The following MGAT4C variants were observed in gnomAD, a reference collection of about 807,000 sequenced individuals.
The protein encoded by MGAT4C is alpha-1,3-mannosyl-glycoprotein 4-beta-N-acetylglucosaminyltransferase C.
A neutral mutation model predicts 40.1 loss-of-function variants in MGAT4C; 19 were observed. The ratio of observed to expected loss-of-function variants is 0.47; its 90% CI spans 0.33 to 0.70. MGAT4C has a LOEUF of 0.70. MGAT4C is among the 30% of genes least tolerant of loss of function. The pLI is 0.02. For synonymous variants in MGAT4C, 181 were observed against 187.1 expected, an observed-to-expected ratio of 0.97 and a Z score of 0.27; for missense variants, 491 against 563.2, an observed-to-expected ratio of 0.87 and a Z score of 1.30.
intron 2 of MGAT4C, among the ~76,000 whole-genome samples, chr12:86,674,444 C>T (rs1403932449): frequency 6.6e-6 from 1 of 152,010 alleles, no homozygotes; most frequent in African/African-American, 2.4e-5. Flanking sequence ...GCCTGTAATC[C>T]CAGCACTTTG....
intron 3 of MGAT4C, among the ~76,000 whole-genome samples, chr12:86,403,358 A>G (rs746056950): frequency 2.0e-5 from 3 of 152,242 alleles, no homozygotes; most frequent in Non-Finnish European, 4.4e-5. Flanking sequence ...AACACATTGT[A>G]CTAAGGAAAA....
intron 2 of MGAT4C, among the ~76,000 whole-genome samples, chr12:86,655,199 C>G (rs1343452385): frequency 6.6e-6 from 1 of 151,894 alleles, no homozygotes; most frequent in African/African-American, 2.4e-5. Context: ...CCCCAGCCCC[C>G]AATCGGCCCG....
At chr12:86,605,429 A>T (rs1962010104) in intron 2 of MGAT4C, among the ~76,000 whole-genome samples, 2 of 152,104 alleles carry the variant, frequency 1.3e-5, no homozygotes, top group Non-Finnish European at 2.9e-5. Flanking sequence ...TCAACTCGGC[A>T]GCCTGTTCAG....
chr12:86,826,490 A>C (rs1358391535), intron 1 of MGAT4C, among the ~76,000 whole-genome samples: 1 of 151,538 alleles, frequency 6.6e-6, no homozygotes, highest in African/African-American at 2.4e-5. Context: ...CCAAAGTATT[A>C]ATTGATATGT....
chr12:86,445,641 G>A (rs1163302339), intron 2 of MGAT4C, among the ~76,000 whole-genome samples: 1 of 152,084 alleles, frequency 6.6e-6, no homozygotes, highest in Non-Finnish European at 1.5e-5. Flanking sequence ...TTATCCAAAT[G>A]TCCTCCCGCA....
intron 1 of MGAT4C, among the ~76,000 whole-genome samples, chr12:86,055,623 T>A (rs1187391795): frequency 6.6e-6 from 1 of 152,064 alleles, no homozygotes; most frequent in Non-Finnish European, 1.5e-5. Flanking sequence ...TAGAAAAGCA[T>A]GTGATTTCCA....
At chr12:86,267,394 G>C (rs1296856616) in intron 4 of MGAT4C, among the ~76,000 whole-genome samples, 1 of 152,118 alleles carries the variant, frequency 6.6e-6, no homozygotes, top group East Asian at 1.9e-4. Flanking sequence ...CCATCATGAA[G>C]ACACCTGAAA....
intron 2 of MGAT4C, among the ~76,000 whole-genome samples, chr12:86,644,141 CAT>C (rs1435519815): frequency 6.6e-6 from 1 of 151,396 alleles, no homozygotes; most frequent in Non-Finnish European, 1.5e-5. Context: ...TATTAATTAA[CAT>C]AGACTGTGTG....
chr12:86,563,413 G>T (rs1031363359), intron 2 of MGAT4C, among the ~76,000 whole-genome samples: 1 of 152,156 alleles, frequency 6.6e-6, no homozygotes, highest in African/African-American at 2.4e-5. Context: ...GAAGCCTACT[G>T]CATTCTTACA....
rs17013997 is a variant in MGAT4C at position 86,416,193 on chromosome 12, C to T, written c.-120+18964G>A. Among the ~76,000 whole-genome samples the T allele has an allele frequency of 2.4e-3, 362 of 152,020 alleles. 1 individual carries two copies. Among genetic ancestry groups the T allele is most frequent in the African/African-American group, 8.6e-3 (356 of 41,530 alleles). ...AGAAAGAGTAGACAATATGCCAAAC[C>T]TGTTGGAAGTATTTTTTATTCAAGT... On this transcript the variant is annotated intron_variant, in intron 3 of 7. Coordinates refer to the MGAT4C transcript ENST00000548651.
intron 2 of MGAT4C, among the ~76,000 whole-genome samples, chr12:86,525,325 T>C (rs1030923825): frequency 6.6e-6 from 1 of 152,154 alleles, no homozygotes; most frequent in Non-Finnish European, 1.5e-5. Flanking sequence ...TCCACCATGA[T>C]TGTAAGTTTC....
At chr12:85,991,470 T>C (rs1592627194) in intron 2 of MGAT4C, among the ~76,000 whole-genome samples, 1 of 150,574 alleles carries the variant, frequency 6.6e-6, no homozygotes, top group Admixed American at 6.6e-5. Context: ...CCCACCCCCT[T>C]CCCCCCAGAA....
At chr12:86,602,865 CAA>C (rs1036787133) in intron 2 of MGAT4C, among the ~76,000 whole-genome samples, 43 of 146,166 alleles carry the variant, frequency 2.9e-4, no homozygotes, top group African/African-American at 1.1e-3. Flanking sequence ...ATCAGTATCT[CAA>C]ACACCTGCCC....
intron 4 of MGAT4C, among the ~76,000 whole-genome samples, chr12:86,301,263 T>A (rs929931079): frequency 2.0e-5 from 3 of 152,194 alleles, no homozygotes; most frequent in African/African-American, 7.2e-5. Flanking sequence ...TAGATAAGAA[T>A]CATTTATCAT....
rs140627019 is a variant in MGAT4C, at chr12:86,587,587, G to A, written c.-229+139622C>T. 7.4e-3 allele frequency among the ~76,000 whole-genome samples: 1,125 copies of A among 152,170 alleles called. 7 individuals carry two copies. Among genetic ancestry groups the A allele is most frequent in the Non-Finnish European group, 0.012 (816 of 67,990 alleles). On this transcript the variant is annotated intron_variant, in intron 2 of 7. Coordinates refer to the MGAT4C transcript ENST00000548651. ...TTCATTCTTCCTACCCATGAGCATG[G>A]AATGTTCTTCCATTTGTTTGTCCTC...
At chr12:86,143,101 C>A (rs576668553) in intron 1 of MGAT4C, among the ~76,000 whole-genome samples, 23 of 152,256 alleles carry the variant, frequency 1.5e-4, no homozygotes, top group Admixed American at 9.2e-4. Context: ...GGCCTTTCAG[C>A]CTCCAGAACT....
At chr12:86,496,635 G>C (rs1958241776) in intron 2 of MGAT4C, among the ~76,000 whole-genome samples, 1 of 151,876 alleles carries the variant, frequency 6.6e-6, no homozygotes, top group South Asian at 2.1e-4. Flanking sequence ...CTATATATTT[G>C]AAAAATTGTT....
chr12:86,270,050 T>C (rs933401310), intron 4 of MGAT4C, among the ~76,000 whole-genome samples: 3 of 151,916 alleles, frequency 2.0e-5, no homozygotes, highest in Non-Finnish European at 2.9e-5. Context: ...TTTTGTTTTG[T>C]TTTGTTATGT....
At chr12:86,299,981 T>C (rs893532350) in intron 4 of MGAT4C, among the ~76,000 whole-genome samples, 6 of 152,218 alleles carry the variant, frequency 3.9e-5, no homozygotes, top group African/African-American at 1.4e-4. Context: ...AATGAGTATA[T>C]GCCCTTTGCA....
Sources: gnomAD v4.1 joint callset for allele counts (sites outside exome capture counted in the v4.1 genomes callset) on GRCh38, gnomAD v4.1.1 for gene constraint, MANE v1.5 for transcripts, NCBI Gene and HGNC (gene_info 2026-07-23, HGNC 2026-07-21) for gene names.